METTL25B: variants seen among roughly 807,000 people sequenced by gnomAD.
The protein encoded by METTL25B is methyltransferase-like protein 25B.
Under a neutral mutation model 48.4 loss-of-function variants are expected in METTL25B, and 38 were observed. The observed-to-expected ratio is 0.78, with a 90% CI of 0.61 to 1.03. The LOEUF is 1.03. Among genes scored for constraint, METTL25B ranks in the 50% least tolerant of loss-of-function variants. METTL25B has a pLI of 0.00. For synonymous variants in METTL25B, 230 were observed against 254.5 expected (o/e 0.90, Z 0.92); for missense variants, 537 against 603.7 (o/e 0.89, Z 1.16).
intron 4 of METTL25B, 111 bp downstream of exon 4, chr1:156,733,158 A>T: frequency 1.7e-6 from 2 of 1,151,974 alleles, no homozygotes; most frequent in East Asian, 2.5e-5. Context: ...GAAGCGTGGA[A>T]TTTTTTTTTT....
At chr1:156,729,302 C>A in intron 1 of METTL25B, 87 bp downstream of exon 1, 1 of 751,658 alleles carries the variant, frequency 1.3e-6, no homozygotes. Flanking sequence ...GAGAATTAGC[C>A]TCTGATCTCT....
In METTL25B at chr1:156,729,164, C is replaced by T. The variant is rs1479839954; in HGVS notation, c.60C>T (p.Asn20=). ...AGGGGAGGAAGCAGCTAGCTGTTAA[C>T]CTCACCCGTGTCCTGGCACTCTACC... ...SHEGRKQLAV[N]LTRVLALYRS... The change falls in exon 1 of 8, where the codon AAC becomes AAT. Residue 20 remains asparagine, a synonymous_variant. Transcript: ENST00000368216. The T allele has an allele frequency of 6.2e-7, 1 of 1,612,102 alleles. No individual in the cohort carries two copies. Among genetic ancestry groups the T allele is most frequent in the African/African-American group, 1.3e-5 (1 of 74,852 alleles).
In METTL25B at chr1:156,732,078, ATGC is replaced by A. The variant is rs1330233409; in HGVS notation, c.205_207del (p.Leu69del). ...ACTGAAACCACCACAGCTGGCCACA[ATGC>A]TGCTGGGGATGCCTGGGGAAGGGGA... On this transcript the variant is annotated inframe_deletion, in exon 2 of 8. Transcript: ENST00000368216. The A allele has an allele frequency of 1.9e-6, 3 of 1,614,118 alleles. No individual in the cohort carries two copies. In the African/African-American group the frequency reaches 4.0e-5, roughly 22 times the overall value.
At chr1:156,731,948 GAGTGGT>G in intron 1 of METTL25B, 37 bp from the exon 2 acceptor site, 1 of 1,611,970 alleles carries the variant, frequency 6.2e-7, no homozygotes, top group Non-Finnish European at 8.5e-7. Context: ...GAAAGAATGG[GAGTGGT>G]AGTAGCTTGC....
intron 1 of METTL25B, 140 bp downstream of exon 1, chr1:156,729,355 TA>T: frequency 1.7e-6 from 1 of 597,710 alleles, no homozygotes; most frequent in Non-Finnish European, 2.9e-6. Flanking sequence ...AAGAAGGGGT[TA>T]AAACTGGAGT....
At position 156,734,053 on chromosome 1, in the gene METTL25B, G is replaced by GT. The variant is rs753196195; in HGVS notation, c.682dup (p.Trp228LeufsTer9). On this transcript the variant is annotated frameshift_variant, in exon 6 of 8. Coordinates refer to ENST00000368216, the MANE Select transcript of METTL25B (RefSeq NM_015997.4). LOFTEE classifies it high-confidence loss of function. ...GTCACTCCCCACACCACGTGGTTAG[G>GT]TGGGTAGACCCCACAGCCCTGTGTG... The GT allele has an allele frequency of 7.4e-6, 12 of 1,613,380 alleles. No individual in the cohort carries two copies. The South Asian group carries it at 1.3e-4, about 18-fold the overall frequency.
Position 156,735,888 on chromosome 1 carries a change from C to T in METTL25B, c.1285C>T (p.Leu429=). ...LVETLILLDR[L]LYLQEQGFHA... ...GGAGACGCTTATTCTACTGGACCGG[C>T]TGCTGTACCTTCAGGAACAGGGTGA... The change falls in exon 7 of 8, where the codon CTG becomes TTG. Residue 429 remains leucine, a synonymous_variant. Transcript: ENST00000368216. 6.2e-7 allele frequency: 1 copy of T among 1,611,860 alleles called. No homozygotes were observed. Among genetic ancestry groups the T allele is most frequent in the Non-Finnish European group, 8.5e-7 (1 of 1,178,844 alleles).
Position 156,732,405 on chromosome 1 carries a change from CGACT to C in METTL25B, c.362_365del (p.Arg121GlnfsTer24). The C allele has an allele frequency of 5.6e-6, 9 of 1,614,152 alleles. No individual in the cohort carries two copies. The highest frequency in any genetic ancestry group is 7.6e-6 in the Non-Finnish European group (9 of 1,180,030). On this transcript the variant is annotated frameshift_variant, in exon 3 of 8. Transcript: ENST00000368216. LOFTEE classifies it high-confidence loss of function. ...CCTGGAGAACCCCAGCCAGAGCTCCCGACTAACAGCTCCATTCCGGAAACATGTC... is the reference window on the plus strand; with the variant it reads ...CCTGGAGAACCCCAGCCAGAGCTCCCAACAGCTCCATTCCGGAAACATGTC...
intron 4 of METTL25B, 108 bp from the exon 5 acceptor site, chr1:156,733,269 T>G: frequency 1.5e-6 from 2 of 1,367,802 alleles, no homozygotes; most frequent in Non-Finnish European, 2.0e-6. Flanking sequence ...AGGGTAAAAT[T>G]TAAGCCTTCT....
In METTL25B at chr1:156,729,025, G is replaced by C; in HGVS notation, c.-80G>C. On this transcript the variant is annotated 5_prime_UTR_variant, in exon 1 of 8. Coordinates refer to ENST00000368216, the MANE Select transcript of METTL25B (RefSeq NM_015997.4). ...TGCCTGCAGAGTTGAGCCCCGTCCG[G>C]GTCCTGGACCCGCGTAGTACTGACC... 1 of 747,782 alleles carries C rather than the reference G, an allele frequency of 1.3e-6. No homozygotes were observed. The highest frequency in any genetic ancestry group is 2.1e-6 in the Non-Finnish European group (1 of 467,670). 46.3% of individuals were successfully genotyped at this position (747,782 alleles called of 1,614,324 possible).
rs763330536 is a variant in METTL25B, at chr1:156,735,885, C to T, written c.1282C>T (p.Arg428Trp). 182 of 1,611,948 alleles carry T rather than the reference C, an allele frequency of 1.1e-4. No individual in the cohort carries two copies. Among genetic ancestry groups the T allele is most frequent in the South Asian group, 1.7e-4 (15 of 90,878 alleles). ...PLVETLILLD[R>W]LLYLQEQGFH... is the part of the protein sequence containing the mutation. ...GGTGGAGACGCTTATTCTACTGGACCGGCTGCTGTACCTTCAGGAACAGGG... is the reference window on the plus strand; with the variant it reads ...GGTGGAGACGCTTATTCTACTGGACTGGCTGCTGTACCTTCAGGAACAGGG... The change falls in exon 7 of 8, where the codon CGG becomes TGG. Residue 428 changes from arginine to tryptophan, a missense_variant. Arg to Trp is a moderately radical substitution (Grantham distance 101). Transcript: ENST00000368216.
chr1:156,730,686 C>T (rs769075301), intron 1 of METTL25B, among the ~76,000 whole-genome samples: 2 of 152,114 alleles, frequency 1.3e-5, no homozygotes, highest in Non-Finnish European at 2.9e-5. Flanking sequence ...GAGCTGAGAT[C>T]GCGCCACTGC....
Position 156,728,844 on chromosome 1 carries a change from G to T in METTL25B, c.-261G>T. The T allele has an allele frequency of 4.0e-6, 3 of 759,348 alleles. No individual in the cohort carries two copies. The highest frequency in any genetic ancestry group is 2.7e-5 in the South Asian group (1 of 36,884). 47.0% of individuals were successfully genotyped at this position (759,348 alleles called of 1,614,324 possible). ...AGCGGCACGCTTTTGTGGCGTCACT[G>T]CACTGTTACCCCGCCCTACGTGTCT... On this transcript the variant is annotated 5_prime_UTR_variant, in exon 1 of 8. Coordinates refer to ENST00000368216, the MANE Select transcript of METTL25B (RefSeq NM_015997.4).
rs997585619 is a variant in METTL25B, at chr1:156,733,880, C to T, written c.637-129C>T. The stretch of plus-strand genomic sequence containing the variant: ...CTGACTTGTGGTCCAGCCCCTCCCG[C>T]ACCCACCTTATCTCCCACATTCCTC... On this transcript the variant is annotated intron_variant, in intron 5 of 7. Coordinates refer to ENST00000368216, the MANE Select transcript of METTL25B (RefSeq NM_015997.4). The T allele has an allele frequency of 2.3e-6, 3 of 1,321,684 alleles. No homozygotes were observed. The Admixed American group carries it at 6.9e-5, about 30-fold the overall frequency. 81.9% of individuals were successfully genotyped at this position (1,321,684 alleles called of 1,614,324 possible). A position where few individuals can be genotyped will look rare whatever the true frequency, so the allele number is the denominator to read the frequency against.
At chr1:156,733,274 C>A in intron 4 of METTL25B, 103 bp from the exon 5 acceptor site, 1 of 1,405,862 alleles carries the variant, frequency 7.1e-7, no homozygotes, top group Non-Finnish European at 9.7e-7. Context: ...AAAATTTAAG[C>A]CTTCTGTGGG....
chr1:156,730,118 C>T (rs569024702), intron 1 of METTL25B, among the ~76,000 whole-genome samples: 2 of 152,218 alleles, frequency 1.3e-5, no homozygotes, highest in African/African-American at 4.8e-5. Context: ...ATTACCAATT[C>T]TTCACTGAGC....
chr1:156,736,024 T>C, intron 7 of METTL25B, 115 bp downstream of exon 7: 1 of 914,636 alleles, frequency 1.1e-6, no homozygotes, highest in East Asian at 2.6e-5. Flanking sequence ...GTTGTGATCC[T>C]TGGACCCCAC....
intron 3 of METTL25B, 50 bp from the exon 4 acceptor site, chr1:156,732,935 C>G (rs1243160092): frequency 1.3e-6 from 2 of 1,527,814 alleles, no homozygotes; most frequent in Non-Finnish European, 1.8e-6. Flanking sequence ...GTGTTTGCCC[C>G]AGGAGTCAAT....
Position 156,728,600 on chromosome 1 carries a change from TGGCGGCGGAGGAGGG to T in METTL25B, c.-497_-483del. On this transcript the variant is annotated 5_prime_UTR_variant, in exon 1 of 8. Transcript: ENST00000368216. ...ATTCCGAGTGTGTGAGGAGCGGCAG[TGGCGGCGGAGGAGGG>T]GGCGGCGTGGGTGGGGGCGGGGGCG... The T allele has an allele frequency of 1.4e-6, 1 of 730,838 alleles. No individual in the cohort carries two copies. Among genetic ancestry groups the T allele is most frequent in the Non-Finnish European group, 1.6e-6 (1 of 613,926 alleles). 45.3% of individuals were successfully genotyped at this position (730,838 alleles called of 1,614,324 possible). A position where few individuals can be genotyped will look rare whatever the true frequency, so the allele number is the denominator to read the frequency against.
Sources: gnomAD v4.1 joint callset for allele counts (sites outside exome capture counted in the v4.1 genomes callset) on GRCh38, gnomAD v4.1.1 for gene constraint, MANE v1.5 for transcripts, NCBI Gene and HGNC (gene_info 2026-07-23, HGNC 2026-07-21) for gene names.